The following GPHN variants were observed in gnomAD, a reference collection of about 807,000 sequenced individuals.
GPHN encodes the protein gephyrin.
GPHN carries 17 observed loss-of-function variants against 95.5 expected under a neutral mutation model. The observed-to-expected ratio is 0.18, with a 90% CI of 0.12 to 0.27. The LOEUF (loss-of-function observed/expected upper bound fraction) is 0.27, where lower values mean the gene tolerates loss of function less well. GPHN is among the 10% of genes least tolerant of loss of function. The pLI is 1.00. For synonymous variants in GPHN, 320 were observed against 322.5 expected (o/e 0.99, Z 0.08); for missense variants, 660 against 978.1 (o/e 0.67, Z 4.34).
At chr14:66,675,785 T>C (rs117714729) in intron 1 of GPHN, among the ~76,000 whole-genome samples, 1,845 of 152,292 alleles carry the variant, frequency 0.012, 20 homozygotes, top group Non-Finnish European at 0.018. Flanking sequence ...TTGATTTTTG[T>C]GGTGAGAAGG....
chr14:66,599,503 A>G lies in GPHN; in HGVS notation c.65-81604A>G, dbSNP rs191790440. 2.7e-5 allele frequency among the ~76,000 whole-genome samples: 4 copies of G among 150,086 alleles called. No homozygotes were observed. In the East Asian group the frequency reaches 7.9e-4, roughly 29 times the overall value. On this transcript the variant is annotated intron_variant, in intron 1 of 22. Coordinates refer to ENST00000478722, the MANE Select transcript of GPHN (RefSeq NM_020806.5). ...AGGTTTTTTTGGATGGTGGGAGGAGAAGGAGAAAACATTAAGTTGTCTGCT... is the reference window on the plus strand; with the variant it reads ...AGGTTTTTTTGGATGGTGGGAGGAGGAGGAGAAAACATTAAGTTGTCTGCT...
the GPHN span, among the ~76,000 whole-genome samples, chr14:67,523,607 G>A: frequency 0.04 from 6,127 of 152,306 alleles, 162 homozygotes; most frequent in Non-Finnish European, 0.061. Flanking sequence ...GCGATTATTT[G>A]TGTTCTACAA....
At chr14:66,985,548 C>T in intron 9 of GPHN, 1 of 594,686 alleles carries the variant, frequency 1.7e-6, no homozygotes, top group Non-Finnish European at 3.0e-6. Flanking sequence ...GGTTAGTTAA[C>T]TCCTTGGCCT....
intron 1 of GPHN, among the ~76,000 whole-genome samples, chr14:66,587,070 C>G (rs1299635386): frequency 6.6e-6 from 1 of 151,762 alleles, no homozygotes; most frequent in Non-Finnish European, 1.5e-5. Context: ...CAGGAGATAC[C>G]ACAGAAATAC....
the GPHN span, among the ~76,000 whole-genome samples, chr14:67,543,947 C>G: frequency 4.4e-3 from 669 of 152,098 alleles, 18 homozygotes; most frequent in East Asian, 0.061. Context: ...GATTGAGGGG[C>G]AGGTGGTGTG....
chr14:67,063,432 T>C (rs868593527), intron 11 of GPHN, among the ~76,000 whole-genome samples: 5 of 152,228 alleles, frequency 3.3e-5, no homozygotes, highest in Admixed American at 6.5e-5. Flanking sequence ...TTTGGTTCCA[T>C]GTGAGCTTTA....
At chr14:67,078,468 G>A (rs972044908) in intron 11 of GPHN, among the ~76,000 whole-genome samples, 40 of 152,120 alleles carry the variant, frequency 2.6e-4, no homozygotes, top group African/African-American at 9.7e-4. Flanking sequence ...TAAGTTTGAA[G>A]CCTTAGGATA....
chr14:66,861,203 C>A (rs1415227382), intron 4 of GPHN, among the ~76,000 whole-genome samples: 2 of 151,846 alleles, frequency 1.3e-5, no homozygotes, highest in African/African-American at 4.8e-5. Flanking sequence ...ATATTCCATG[C>A]CAGTGGAAAC....
At chr14:66,895,319 G>T (rs2064779788) in intron 5 of GPHN, among the ~76,000 whole-genome samples, 1 of 152,258 alleles carries the variant, frequency 6.6e-6, no homozygotes, top group African/African-American at 2.4e-5. Context: ...GAGAACACTT[G>T]GACACAGGAA....
At chr14:66,674,300 A>G (rs2066466945) in intron 1 of GPHN, among the ~76,000 whole-genome samples, 1 of 151,832 alleles carries the variant, frequency 6.6e-6, no homozygotes, top group African/African-American at 2.4e-5. Flanking sequence ...GGGTTTCACC[A>G]TGTTAGCCAG....
the GPHN span, among the ~76,000 whole-genome samples, chr14:67,514,316 G>A: frequency 8.5e-5 from 13 of 152,140 alleles, no homozygotes; most frequent in Non-Finnish European, 1.8e-4. Flanking sequence ...CATAGAAAGA[G>A]GGAAAGGAAG....
At chr14:67,317,369 G>C in the GPHN span, 1 of 1,502,776 alleles carries the variant, frequency 6.7e-7, no homozygotes, top group East Asian at 2.3e-5. Context: ...TTTTGTTCAC[G>C]GGAACACATT....
At chr14:67,019,550 A>G (rs1217015616) in intron 9 of GPHN, among the ~76,000 whole-genome samples, 1 of 152,224 alleles carries the variant, frequency 6.6e-6, no homozygotes, top group African/African-American at 2.4e-5. Context: ...TTAACCTGCA[A>G]TCAAATGTAA....
At chr14:67,358,294 C>G in the GPHN span, among the ~76,000 whole-genome samples, 1 of 152,158 alleles carries the variant, frequency 6.6e-6, no homozygotes, top group Non-Finnish European at 1.5e-5. Flanking sequence ...TTAGTGCAAA[C>G]AGCTATTAGA....
At chr14:67,279,421 C>T in the GPHN span, 1 of 1,613,904 alleles carries the variant, frequency 6.2e-7, no homozygotes, top group Non-Finnish European at 8.5e-7. Flanking sequence ...CTTAATTCTT[C>T]CATGAGACTT....
At chr14:67,062,740 C>T (rs545228030) in intron 11 of GPHN, among the ~76,000 whole-genome samples, 47 of 152,084 alleles carry the variant, frequency 3.1e-4, no homozygotes, top group Non-Finnish European at 4.7e-4. Flanking sequence ...CTGTTCATAT[C>T]CTTTGCCCAC....
At chr14:66,520,060 A>G (rs1365249423) in intron 1 of GPHN, among the ~76,000 whole-genome samples, 1 of 152,190 alleles carries the variant, frequency 6.6e-6, no homozygotes, top group Non-Finnish European at 1.5e-5. Flanking sequence ...ATGTTCATAT[A>G]CATATTTCAC....
chr14:66,968,978 A>C (rs948295094), intron 9 of GPHN: 2 of 148,916 alleles, frequency 1.3e-5, no homozygotes, highest in African/African-American at 4.9e-5. Context: ...CTCCAGCTAT[A>C]GTGAGAACAA....
At chr14:67,653,586 G>T in the GPHN span, 2 of 1,176,174 alleles carry the variant, frequency 1.7e-6, no homozygotes, top group South Asian at 1.4e-5. Context: ...AGGCATTAAG[G>T]GATATATGTT....
Sources: gnomAD v4.1 joint callset for allele counts (sites outside exome capture counted in the v4.1 genomes callset) on GRCh38, gnomAD v4.1.1 for gene constraint, MANE v1.5 for transcripts, NCBI Gene and HGNC (gene_info 2026-07-23, HGNC 2026-07-21) for gene names.